The following CFH variants were observed in gnomAD, a reference collection of about 807,000 sequenced individuals.
The protein encoded by CFH is complement factor H, also known as H factor 1 (complement).
Under a neutral mutation model 147.3 loss-of-function variants are expected in CFH, and 53 were observed. That is an observed-to-expected ratio of 0.36 (90% CI 0.29 to 0.45). CFH has a LOEUF of 0.45. CFH is among the 20% of genes least tolerant of loss of function. The pLI is 1.00. For missense variants in CFH, 1,380 were observed against 1,498.0 expected (o/e 0.92, Z 1.30); for synonymous variants, 536 against 489.4 (o/e 1.10, Z -1.26).
Position 196,725,274 on chromosome 1 carries a change from C to G in CFH, c.1850C>G (p.Ser617Cys). 6.2e-7 allele frequency: 1 copy of G among 1,613,774 alleles called. No homozygotes were observed. The highest frequency in any genetic ancestry group is 8.5e-7 in the Non-Finnish European group (1 of 1,179,816). Reference sequence around the variant, plus strand: ...GTTCAGTGCTACCACTTTGGATTGTCTCCTGACCTCCCAATATGTAAAGGT... The same window carrying G: ...GTTCAGTGCTACCACTTTGGATTGTGTCCTGACCTCCCAATATGTAAAGGT... ...NSVQCYHFGLSPDLPICKEQV... is the reference protein window; with the variant it reads ...NSVQCYHFGLCPDLPICKEQV... The change falls in exon 12 of 22, where the codon TCT (serine) becomes TGT (cysteine). Residue 617 changes from serine (S) to cysteine (C), a missense_variant. Around this residue, in one of 4 missense-constraint regions of CFH, gnomAD observed 830 missense variants for 821.4 expected, o/e 1.01. Transcript: ENST00000367429.
intron 5 of CFH, chr1:196,678,400 A>T (rs1416694773): frequency 2.6e-5 from 4 of 151,986 alleles, no homozygotes; most frequent in East Asian, 3.9e-4. Context: ...GTTCAAGTTC[A>T]TTTTACCAAT....
intron 11 of CFH, among the ~76,000 whole-genome samples, chr1:196,719,863 A>G (rs1331873582): frequency 6.6e-6 from 1 of 151,640 alleles, no homozygotes; most frequent in African/African-American, 2.4e-5. Context: ...TTCCATGTGA[A>G]CTTGAAAATT....
chr1:196,692,962 T>C (rs2149091170), intron 9 of CFH, among the ~76,000 whole-genome samples: 1 of 145,112 alleles, frequency 6.9e-6, no homozygotes, highest in South Asian at 2.2e-4. Context: ...TTTGTCTGGC[T>C]CAAGTTATTC....
At chr1:196,657,457 T>C (rs144103383) in intron 1 of CFH, among the ~76,000 whole-genome samples, 14 of 152,290 alleles carry the variant, frequency 9.2e-5, no homozygotes, top group African/African-American at 3.1e-4. Context: ...TATTGGTGGG[T>C]TGCAAAACTT....
Position 196,725,111 on chromosome 1 carries a change from C to A in CFH, c.1697-10C>A. 6.2e-7 allele frequency: 1 copy of A among 1,606,690 alleles called. No homozygotes were observed. The highest frequency in any genetic ancestry group is 1.1e-5 in the South Asian group (1 of 90,726). The stretch of plus-strand genomic sequence containing the variant: ...ATATATTCTCATGAAATTATTTTAC[C>A]TTTTTCAAGAAAGAGAATGCGAACT... On this transcript the variant is annotated splice_polypyrimidine_tract_variant and intron_variant, in intron 11 of 21. Transcript: ENST00000367429.
intron 17 of CFH, among the ~76,000 whole-genome samples, chr1:196,738,600 CTCCATG>C (rs1225443164): frequency 1.3e-5 from 2 of 152,210 alleles, no homozygotes; most frequent in African/African-American, 4.8e-5. Context: ...TCTCCTTTGA[CTCCATG>C]TCTCACATTC....
chr1:196,671,142 A>C (rs1268100010), intron 1 of CFH, among the ~76,000 whole-genome samples: 1 of 152,136 alleles, frequency 6.6e-6, no homozygotes, highest in Non-Finnish European at 1.5e-5. Context: ...TTAAGATAGC[A>C]CATGATTTAT....
At chr1:196,670,999 T>C (rs1667258356) in intron 1 of CFH, among the ~76,000 whole-genome samples, 1 of 152,278 alleles carries the variant, frequency 6.6e-6, no homozygotes, top group Admixed American at 6.5e-5. Context: ...TTATACACTT[T>C]TGTCTTTCTA....
intron 3 of CFH, 67 bp downstream of exon 3, chr1:196,674,029 AT>A: frequency 2.8e-6 from 3 of 1,077,612 alleles, no homozygotes; most frequent in Non-Finnish European, 2.8e-6. Flanking sequence ...TACTTTATAT[AT>A]TTTTAAGGTT....
chr1:196,672,951 C>G (rs778413105), intron 1 of CFH, 27 bp from the exon 2 acceptor site: 14 of 1,579,838 alleles, frequency 8.9e-6, no homozygotes, highest in Non-Finnish European at 1.2e-5. Flanking sequence ...ACACTTTATG[C>G]ACTTATTTTG....
Position 196,714,686 on chromosome 1 carries a change from G to GAA in CFH, c.1519+770_1519+771insAA, listed in dbSNP as rs1668820999. On this transcript the variant is annotated intron_variant, in intron 10 of 21. Transcript: ENST00000367429. ...ATATATATAGAGAGAGAGAGAGAGA[G>GAA]AGAGAGAGAGAGAGAGAGAGAGAGA... Among the ~76,000 whole-genome samples, 3 of 94,438 alleles carry GAA rather than the reference G, an allele frequency of 3.2e-5. No individual in the cohort carries two copies. The East Asian group carries it at 8.7e-4, about 27-fold the overall frequency. 62.0% of individuals were successfully genotyped at this position (94,438 alleles called of 152,430 possible). A position where few individuals can be genotyped will look rare whatever the true frequency, so the allele number is the denominator to read the frequency against.
chr1:196,654,656 A>T lies in CFH; in HGVS notation c.58+2481A>T, dbSNP rs1666624200. On this transcript the variant is annotated intron_variant, in intron 1 of 21. Transcript: ENST00000367429. ...TATATGAAATTAGGCCACAGCCCAG[A>T]AATTCCAAGATGATTAAAGTGAATA... Among the ~76,000 whole-genome samples, 4 of 152,334 alleles carry T rather than the reference A, an allele frequency of 2.6e-5. No individual in the cohort carries two copies. The South Asian group carries it at 6.2e-4, about 24-fold the overall frequency.
At chr1:196,737,243 T>G (rs1669428525) in intron 16 of CFH, among the ~76,000 whole-genome samples, 1 of 152,164 alleles carries the variant, frequency 6.6e-6, no homozygotes, top group Admixed American at 6.5e-5. Flanking sequence ...CATGCATATT[T>G]TAATCCTTGT....
At position 196,655,240 on chromosome 1, in the gene CFH, T is replaced by A. The variant is rs1225938067; in HGVS notation, c.58+3065T>A. 5.9e-5 allele frequency among the ~76,000 whole-genome samples: 9 copies of A among 152,128 alleles called. No homozygotes were observed. In the South Asian group the frequency reaches 1.4e-3, roughly 25 times the overall value. ...TGAGGATAAGAATAGAACAAAGTGA[T>A]TCTGGAAGATGGGGTTTTCCCAGGT... On this transcript the variant is annotated intron_variant, in intron 1 of 21. Coordinates refer to ENST00000367429, the MANE Select transcript of CFH (RefSeq NM_000186.4).
chr1:196,683,917 A>T (rs930294083), intron 6 of CFH, among the ~76,000 whole-genome samples: 1 of 151,818 alleles, frequency 6.6e-6, no homozygotes, highest in Non-Finnish European at 1.5e-5. Flanking sequence ...TAGTAAATAA[A>T]TTGGGGGTAT....
rs1667972757 is a variant in CFH, at chr1:196,690,111, G to C, written c.1208G>C (p.Gly403Ala). The C allele has an allele frequency of 1.2e-6, 2 of 1,612,254 alleles. No individual in the cohort carries two copies. The highest frequency in any genetic ancestry group is 8.5e-7 in the Non-Finnish European group (1 of 1,178,880). The change falls in exon 9 of 22, where the codon GGA (glycine) becomes GCA (alanine). Residue 403 changes from glycine (G) to alanine (A), a missense_variant. Gly to Ala is a moderately conservative substitution (Grantham distance 60, BLOSUM62 0). This residue lies in a region of CFH where 830 missense variants were observed against 821.4 expected (regional missense o/e 1.01). Transcript: ENST00000367429. ...GAAAATGGATATAATCAAAATCATG[G>C]AAGAAAGTTTGTACAGGGTAAATCT... ...YLENGYNQNH[G>A]RKFVQGKSID...
chr1:196,727,232 T>C (rs1423776482), intron 14 of CFH, among the ~76,000 whole-genome samples: 1 of 152,160 alleles, frequency 6.6e-6, no homozygotes, highest in Non-Finnish European at 1.5e-5. Context: ...GCCAGGGTGG[T>C]TGCTCACGCC....
chr1:196,724,564 A>C (rs1437109342), intron 11 of CFH, among the ~76,000 whole-genome samples: 2 of 152,262 alleles, frequency 1.3e-5, no homozygotes, highest in Non-Finnish European at 2.9e-5. Context: ...GGTCCTAGTC[A>C]ACCTTTGTCA....
chr1:196,727,869 A>G (rs1341030851), intron 14 of CFH, among the ~76,000 whole-genome samples: 1 of 152,116 alleles, frequency 6.6e-6, no homozygotes, highest in Admixed American at 6.6e-5. Context: ...TGTAAATCTC[A>G]TGTCTTGATC....
Sources: gnomAD v4.1 joint callset for allele counts (sites outside exome capture counted in the v4.1 genomes callset) on GRCh38, gnomAD v4.1.1 for gene constraint, gnomAD v4.1.1 regional missense constraint, MANE v1.5 for transcripts, NCBI Gene and HGNC (gene_info 2026-07-23, HGNC 2026-07-21) for gene names.